The following FAT3 variants were observed in gnomAD, a reference collection of about 807,000 sequenced individuals.
The protein encoded by FAT3 is FAT atypical cadherin 3.
In FAT3, 95 loss-of-function variants were observed where a neutral mutation model predicts 310.2. That is an observed-to-expected ratio of 0.31 (90% CI 0.26 to 0.36). FAT3 has a LOEUF of 0.36. Among genes scored for constraint, FAT3 ranks in the 10% least tolerant of loss-of-function variants. FAT3 has a pLI of 1.00. For synonymous variants in FAT3, 2,314 were observed against 2,192.9 expected (o/e 1.06, Z -1.54); for missense variants, 5,408 against 5,715.6 (o/e 0.95, Z 1.74).
chr11:92,646,034 A>T (rs1250245759), intron 3 of FAT3, among the ~76,000 whole-genome samples: 1 of 152,234 alleles, frequency 6.6e-6, no homozygotes, highest in Admixed American at 6.5e-5. Flanking sequence ...ATTGTTACAT[A>T]ACAAATAATC....
At chr11:92,617,591 T>C (rs927946582) in intron 3 of FAT3, among the ~76,000 whole-genome samples, 3 of 152,222 alleles carry the variant, frequency 2.0e-5, no homozygotes, top group African/African-American at 7.2e-5. Context: ...TTTTCTGCTC[T>C]GGTTTCTCCC....
At chr11:92,425,673 G>A (rs145774517) in intron 2 of FAT3, among the ~76,000 whole-genome samples, 153 of 152,124 alleles carry the variant, frequency 1.0e-3, no homozygotes, top group Non-Finnish European at 1.1e-3. Flanking sequence ...GCCGAGAATG[G>A]TGGTTTCCGA....
intron 11 of FAT3, among the ~76,000 whole-genome samples, chr11:92,805,579 AAAAAG>A (rs772808142): frequency 4.6e-5 from 7 of 152,098 alleles, no homozygotes; most frequent in Non-Finnish European, 8.8e-5. Context: ...CAAAAAAAAA[AAAAAG>A]AAAGAAACCA....
intron 22 of FAT3, among the ~76,000 whole-genome samples, chr11:92,875,607 T>C (rs953797554): frequency 8.5e-5 from 13 of 152,126 alleles, no homozygotes; most frequent in Non-Finnish European, 2.9e-5. Flanking sequence ...TAGCATTTGC[T>C]GATGACTGCA....
chr11:92,240,466 A>T (rs1864628836), intron 1 of FAT3, among the ~76,000 whole-genome samples: 1 of 151,866 alleles, frequency 6.6e-6, no homozygotes, highest in African/African-American at 2.4e-5. Context: ...CAGTGTATTT[A>T]AAAGAAGTTG....
At chr11:92,887,759 G>C (rs1162219801) in intron 25 of FAT3, among the ~76,000 whole-genome samples, 2 of 152,110 alleles carry the variant, frequency 1.3e-5, no homozygotes, top group Non-Finnish European at 2.9e-5. Flanking sequence ...GCTAATGTTG[G>C]ACTGGGTTTT....
At chr11:92,227,193 T>C (rs1161555097) in intron 1 of FAT3, among the ~76,000 whole-genome samples, 1 of 152,180 alleles carries the variant, frequency 6.6e-6, no homozygotes, top group Non-Finnish European at 1.5e-5. Context: ...GCCACTTGTT[T>C]TCTGCCGCTT....
intron 4 of FAT3, among the ~76,000 whole-genome samples, chr11:92,738,866 T>C (rs985833037): frequency 6.6e-6 from 1 of 152,150 alleles, no homozygotes; most frequent in Non-Finnish European, 1.5e-5. Context: ...TTCACCAACT[T>C]TCCTAGTCAA....
chr11:92,795,632 C>CT (rs1947150312), intron 9 of FAT3, among the ~76,000 whole-genome samples: 1 of 151,948 alleles, frequency 6.6e-6, no homozygotes, highest in Non-Finnish European at 1.5e-5. Context: ...TACTTGAGGC[C>CT]AGGCACAGTG....
intron 4 of FAT3, among the ~76,000 whole-genome samples, chr11:92,732,734 T>C (rs983899634): frequency 6.6e-6 from 1 of 152,210 alleles, no homozygotes; most frequent in Admixed American, 6.5e-5. Context: ...AGAAATAACA[T>C]GTTAATTATT....
chr11:92,861,938 T>C (rs1310013909), intron 21 of FAT3, among the ~76,000 whole-genome samples: 1 of 152,124 alleles, frequency 6.6e-6, no homozygotes, highest in Non-Finnish European at 1.5e-5. Flanking sequence ...TACAGACAAT[T>C]AAAGAATTGC....
intron 15 of FAT3, 118 bp downstream of exon 15, chr11:92,835,202 A>G (rs1948374972): frequency 3.9e-6 from 3 of 778,016 alleles, no homozygotes; most frequent in Admixed American, 6.1e-5. Flanking sequence ...TTCAGTGTCC[A>G]TTTGTCCCCA....
At chr11:92,414,548 G>A (rs1287204954) in intron 2 of FAT3, among the ~76,000 whole-genome samples, 1 of 152,098 alleles carries the variant, frequency 6.6e-6, no homozygotes, top group Non-Finnish European at 1.5e-5. Flanking sequence ...CTTTTTTAAA[G>A]CATTGCATTA....
chr11:92,594,760 G>A (rs1364715021), intron 3 of FAT3, among the ~76,000 whole-genome samples: 2 of 152,078 alleles, frequency 1.3e-5, no homozygotes, highest in Non-Finnish European at 2.9e-5. Context: ...TTTTGCAGTA[G>A]TACCGTTGTA....
chr11:92,279,684 G>A (rs1946371743), intron 1 of FAT3, among the ~76,000 whole-genome samples: 2 of 152,140 alleles, frequency 1.3e-5, no homozygotes, highest in Admixed American at 6.5e-5. Flanking sequence ...TCATTTCTAT[G>A]TGTTGAGAAC....
chr11:92,618,547 T>C (rs986830730), intron 3 of FAT3, among the ~76,000 whole-genome samples: 6 of 152,228 alleles, frequency 3.9e-5, no homozygotes, highest in African/African-American at 1.4e-4. Context: ...ATCACCCGTC[T>C]TTTGCGTGAC....
intron 3 of FAT3, among the ~76,000 whole-genome samples, chr11:92,689,912 C>T (rs1943748304): frequency 1.3e-5 from 2 of 152,112 alleles, no homozygotes; most frequent in South Asian, 4.1e-4. Context: ...GTGGACTTGA[C>T]CCAAATGCTT....
chr11:92,268,638 T>G (rs925315254), intron 1 of FAT3, among the ~76,000 whole-genome samples: 2 of 152,192 alleles, frequency 1.3e-5, no homozygotes, highest in Non-Finnish European at 2.9e-5. Flanking sequence ...CTCTGGTTGC[T>G]CTTCTATATT....
At position 92,592,755 on chromosome 11, in the gene FAT3, A is replaced by G. The variant is rs151227950; in HGVS notation, c.3607+67807A>G. ...ATAGTTGATGATATTAAGGAATTCT[A>G]TTTCTTTAGGTATTTAAAGATATGG... On this transcript the variant is annotated intron_variant, in intron 3 of 27. Coordinates refer to ENST00000525166, the MANE Select transcript of FAT3 (RefSeq NM_001367949.2). Among the ~76,000 whole-genome samples, 11 of 152,222 alleles carry G rather than the reference A, an allele frequency of 7.2e-5. No individual in the cohort carries two copies. The East Asian group carries it at 1.7e-3, about 24-fold the overall frequency.
Sources: gnomAD v4.1 joint callset for allele counts (sites outside exome capture counted in the v4.1 genomes callset) on GRCh38, gnomAD v4.1.1 for gene constraint, MANE v1.5 for transcripts, NCBI Gene and HGNC (gene_info 2026-07-23, HGNC 2026-07-21) for gene names.